The following HIVEP3 variants were observed in gnomAD, a reference collection of about 807,000 sequenced individuals.
The protein encoded by HIVEP3 is transcription factor HIVEP3.
A neutral mutation model predicts 152.8 loss-of-function variants in HIVEP3; 49 were observed. The observed-to-expected ratio is 0.32, with a 90% CI of 0.26 to 0.41. The LOEUF is 0.41. Among genes scored for constraint, HIVEP3 ranks in the 10% least tolerant of loss-of-function variants. The probability of loss-of-function intolerance (pLI) is 1.00; values close to 1 mark genes in which losing one functional copy is unlikely to be tolerated. For synonymous variants in HIVEP3, 1,269 were observed against 1,289.0 expected (o/e 0.98, Z 0.33); for missense variants, 2,790 against 3,103.3 (o/e 0.90, Z 2.40).
intron 2 of HIVEP3, among the ~76,000 whole-genome samples, chr1:41,694,593 C>T (rs1408604025): frequency 6.6e-5 from 10 of 152,152 alleles, no homozygotes; most frequent in Non-Finnish European, 1.3e-4. Flanking sequence ...TCTCCAAGAA[C>T]GTGTCAGAAT....
Position 41,510,235 on chromosome 1 carries a change from T to C in HIVEP3, c.*216A>G. ...TGGGTTGTTGTTTTTTTTTTAAATG[T>C]ATGTATGTGATTTGTTTTGTTTCTT... On this transcript the variant is annotated 3_prime_UTR_variant, in exon 9 of 9. Transcript: ENST00000372583. 1 of 399,764 alleles carries C rather than the reference T, an allele frequency of 2.5e-6. No individual in the cohort carries two copies. Among genetic ancestry groups the C allele is most frequent in the Non-Finnish European group, 4.4e-6 (1 of 228,298 alleles). 24.8% of individuals were successfully genotyped at this position (399,764 alleles called of 1,614,324 possible). A position where few individuals can be genotyped will look rare whatever the true frequency, so the allele number is the denominator to read the frequency against.
intron 2 of HIVEP3, among the ~76,000 whole-genome samples, chr1:41,670,193 T>A (rs966338712): frequency 6.6e-6 from 1 of 152,164 alleles, no homozygotes; most frequent in Non-Finnish European, 1.5e-5. Context: ...CTTTATGGTT[T>A]GGGGCATAAT....
rs377655796 is a variant in HIVEP3 at position 41,583,214 on chromosome 1, C to A, written c.1584G>T (p.Pro528=). Reference sequence around the variant, plus strand: ...GAGGCACAGGGGGGGCGGTACTGGGCGGGTGCTGGAGGCTCAGCAGTGATT... The same window carrying A: ...GAGGCACAGGGGGGGCGGTACTGGGAGGGTGCTGGAGGCTCAGCAGTGATT... The part of the protein sequence containing the change: ...PEQSLLSLQH[P]PSTAPPVPLL... Residue 528 remains proline, a synonymous_variant, in exon 4 of 9, where the codon CCG becomes CCT. Transcript: ENST00000372583. The surrounding 1 kb of genome is among the most constrained non-coding windows in gnomAD (Gnocchi z 6.9). The A allele has an allele frequency of 6.2e-7, 1 of 1,608,400 alleles. No homozygotes were observed. The highest frequency in any genetic ancestry group is 1.7e-5 in the Admixed American group (1 of 59,890).
intron 1 of HIVEP3, among the ~76,000 whole-genome samples, chr1:42,004,605 A>T (rs1645447853): frequency 1.3e-5 from 2 of 152,190 alleles, no homozygotes; most frequent in Non-Finnish European, 2.9e-5. Context: ...TCAGGAATGT[A>T]AGTTACTTAT....
intron 1 of HIVEP3, among the ~76,000 whole-genome samples, chr1:41,841,259 T>C (rs1643280774): frequency 6.6e-6 from 1 of 152,090 alleles, no homozygotes; most frequent in African/African-American, 2.4e-5. Context: ...ACCCAGAATT[T>C]CTCCTGTCAA....
upstream of HIVEP3, among the ~76,000 whole-genome samples, chr1:41,920,132 T>C (rs562272420): frequency 4.6e-5 from 7 of 152,200 alleles, no homozygotes; most frequent in African/African-American, 1.7e-4. Flanking sequence ...CTCTCTTCCT[T>C]CCCCTCTTCC....
intron 1 of HIVEP3, among the ~76,000 whole-genome samples, chr1:42,002,615 G>C (rs114296160): frequency 0.021 from 3,145 of 152,292 alleles, 65 homozygotes; most frequent in Non-Finnish European, 0.025. Context: ...ATAGATGCCA[G>C]GCCCCAGCCA....
chr1:41,799,913 G>T (rs995054556), intron 1 of HIVEP3, among the ~76,000 whole-genome samples: 3 of 152,058 alleles, frequency 2.0e-5, no homozygotes, highest in African/African-American at 7.2e-5. Context: ...ACACTATGCT[G>T]ACTCAGATCC....
chr1:41,590,293 C>A (rs1644568732), intron 3 of HIVEP3, among the ~76,000 whole-genome samples: 2 of 152,244 alleles, frequency 1.3e-5, no homozygotes, highest in Non-Finnish European at 1.5e-5. Context: ...CTGAATATTT[C>A]TTCCATTAGC....
In HIVEP3 at chr1:41,966,475, C is replaced by CTTTTTTTTTTTTTTTTTTTT. The variant is rs58470482; in HGVS notation, n.120-47952_120-47951insAAAAAAAAAAAAAAAAAAAA. Among the ~76,000 whole-genome samples the CTTTTTTTTTTTTTTTTTTTT allele has an allele frequency of 7.2e-4, 69 of 95,790 alleles. 5 individuals are homozygous for CTTTTTTTTTTTTTTTTTTTT. The highest frequency in any genetic ancestry group is 8.4e-4 in the Non-Finnish European group (43 of 51,438). 62.8% of individuals were successfully genotyped at this position (95,790 alleles called of 152,430 possible). On this transcript the variant is annotated intron_variant and non_coding_transcript_variant, in intron 1 of 3. Coordinates refer to the HIVEP3 transcript ENST00000489103. The stretch of plus-strand genomic sequence containing the variant: ...TCAAGACCCATCAGTGTGCTGTATT[C>CTTTTTTTTTTTTTTTTTTTT]TTTTTTTTTTTTTTTTGAGATGGAG...
intron 3 of HIVEP3, among the ~76,000 whole-genome samples, chr1:41,614,686 T>A (rs968828422): frequency 6.6e-6 from 1 of 151,920 alleles, no homozygotes; most frequent in South Asian, 2.1e-4. Flanking sequence ...CCAGGGGAAA[T>A]GAAAGACCAG....
intron 5 of HIVEP3, among the ~76,000 whole-genome samples, chr1:41,559,498 C>T (rs544840308): frequency 6.6e-6 from 1 of 152,262 alleles, no homozygotes; most frequent in African/African-American, 2.4e-5. Flanking sequence ...ATGCCCCTCT[C>T]AACCTGCTTG....
intron 2 of HIVEP3, among the ~76,000 whole-genome samples, chr1:41,684,033 GC>G (rs1452648177): frequency 6.6e-6 from 1 of 152,162 alleles, no homozygotes; most frequent in Non-Finnish European, 1.5e-5. Context: ...CAAAAGCACT[GC>G]CTTTAAAAAA....
chr1:41,915,492 T>A (rs1644857620), intron 1 of HIVEP3, among the ~76,000 whole-genome samples: 1 of 152,208 alleles, frequency 6.6e-6, no homozygotes, highest in South Asian at 2.1e-4. Context: ...TTTGACAAAC[T>A]AATAACCAAG....
chr1:41,944,408 A>G (rs1217359007), intron 1 of HIVEP3, among the ~76,000 whole-genome samples: 3 of 152,334 alleles, frequency 2.0e-5, no homozygotes, highest in Admixed American at 1.3e-4. Flanking sequence ...AGAGCCATTA[A>G]GGATCACCTA....
rs72672720 is a variant in HIVEP3, at chr1:42,010,443, T to C, written n.119+25364A>G. On this transcript the variant is annotated intron_variant and non_coding_transcript_variant, in intron 1 of 3. Coordinates refer to the HIVEP3 transcript ENST00000489103. ...TCCTTTGTAGTTAGGCAGGTCTATTTGCTCTGAATGTGAGGGCTGACTCTA... is the reference window on the plus strand; with the variant it reads ...TCCTTTGTAGTTAGGCAGGTCTATTCGCTCTGAATGTGAGGGCTGACTCTA... 2.9e-3 allele frequency among the ~76,000 whole-genome samples: 447 copies of C among 152,302 alleles called. 4 individuals are homozygous for C. Among genetic ancestry groups the C allele is most frequent in the Non-Finnish European group, 2.4e-3 (166 of 68,016 alleles).
At chr1:41,786,909 G>T (rs1009036674) in intron 1 of HIVEP3, among the ~76,000 whole-genome samples, 1 of 151,792 alleles carries the variant, frequency 6.6e-6, no homozygotes. Context: ...GCACCACCAC[G>T]TCCAGCTAAT....
intron 3 of HIVEP3, among the ~76,000 whole-genome samples, chr1:41,618,056 C>T (rs970732506): frequency 6.6e-6 from 1 of 152,168 alleles, no homozygotes; most frequent in Non-Finnish European, 1.5e-5. Context: ...ACTAGAAAGG[C>T]GTAGTGTAAA....
chr1:41,795,442 C>T (rs1004204557), intron 1 of HIVEP3, among the ~76,000 whole-genome samples: 8 of 152,190 alleles, frequency 5.3e-5, no homozygotes, highest in Admixed American at 3.9e-4. Flanking sequence ...TAACCTTGAC[C>T]ACTTGGTTAA....
Sources: allele counts gnomAD v4.1 joint callset (sites outside exome capture counted in the v4.1 genomes callset), GRCh38; gene constraint gnomAD v4.1.1; non-coding constraint Gnocchi (gnomAD v3.1); transcripts MANE v1.5; gene names NCBI Gene and HGNC (gene_info 2026-07-23, HGNC 2026-07-21).